Variants in DPP6 observed in about 807,000 individuals in gnomAD.
DPP6 encodes the protein dipeptidyl peptidase like 6.
In DPP6, 69 loss-of-function variants were observed where a neutral mutation model predicts 122.6. The ratio of observed to expected loss-of-function variants is 0.56; its 90% CI spans 0.46 to 0.69. The LOEUF (loss-of-function observed/expected upper bound fraction) is 0.69. DPP6 is among the 30% of genes least tolerant of loss of function. DPP6 has a pLI of 0.00. For missense variants in DPP6, 928 were observed against 1,116.9 expected (o/e 0.83, Z 2.41); for synonymous variants, 418 against 433.1 (o/e 0.97, Z 0.43).
At chr7:153,918,808 C>T (rs1046663708) in intron 1 of DPP6, among the ~76,000 whole-genome samples, 6 of 151,596 alleles carry the variant, frequency 4.0e-5, no homozygotes, top group African/African-American at 7.3e-5. Context: ...GGTGAAACCC[C>T]GTCTCTACTA....
At chr7:154,754,101 A>G (rs954176309) in intron 8 of DPP6, among the ~76,000 whole-genome samples, 9 of 152,188 alleles carry the variant, frequency 5.9e-5, no homozygotes, top group African/African-American at 1.9e-4. Context: ...TTATTTTTCA[A>G]TGTGTTTTTG....
chr7:153,814,543 G>T, the DPP6 span, among the ~76,000 whole-genome samples: 1 of 152,166 alleles, frequency 6.6e-6, no homozygotes, highest in African/African-American at 2.4e-5. Flanking sequence ...GGAGGAACTG[G>T]TACCATTCCT....
At chr7:154,229,379 C>T (rs1474480980) in intron 1 of DPP6, among the ~76,000 whole-genome samples, 1 of 152,190 alleles carries the variant, frequency 6.6e-6, no homozygotes, top group South Asian at 2.1e-4. Context: ...TTGTCTGCAG[C>T]TAATCTGAGT....
intron 7 of DPP6, among the ~76,000 whole-genome samples, chr7:154,699,746 C>A (rs757612698): frequency 9.2e-5 from 14 of 152,252 alleles, no homozygotes; most frequent in Non-Finnish European, 1.6e-4. Context: ...GAAGCCCTGG[C>A]ATGATTGCTT....
the DPP6 span, among the ~76,000 whole-genome samples, chr7:153,827,284 A>G: frequency 6.6e-6 from 1 of 152,330 alleles, no homozygotes; most frequent in African/African-American, 2.4e-5. Context: ...TAGCAGAAAG[A>G]AACACAGACA....
intron 1 of DPP6, among the ~76,000 whole-genome samples, chr7:154,362,953 A>G (rs1811858495): frequency 6.6e-6 from 1 of 152,146 alleles, no homozygotes; most frequent in Admixed American, 6.5e-5. Context: ...AGGGTCTCAG[A>G]TGGTTCCCGT....
chr7:154,559,000 A>G (rs931661582), intron 4 of DPP6, among the ~76,000 whole-genome samples: 2 of 152,182 alleles, frequency 1.3e-5, no homozygotes, highest in African/African-American at 2.4e-5. Context: ...AAAATAAAAC[A>G]TGATATATGC....
chr7:154,156,091 C>T (rs1477036124), intron 1 of DPP6, among the ~76,000 whole-genome samples: 3 of 152,230 alleles, frequency 2.0e-5, no homozygotes, highest in Non-Finnish European at 4.4e-5. Flanking sequence ...TTCTCCAACC[C>T]TCCACCCACC....
chr7:153,817,627 A>G, the DPP6 span, among the ~76,000 whole-genome samples: 1 of 151,892 alleles, frequency 6.6e-6, no homozygotes, highest in East Asian at 1.9e-4. Context: ...AGGAACATGG[A>G]TGAAGCTGGA....
chr7:154,838,678 G>C (rs572253058), intron 16 of DPP6: 1 of 152,266 alleles, frequency 6.6e-6, no homozygotes, highest in Non-Finnish European at 1.5e-5. Context: ...AAGGACGCAC[G>C]TGCAAGACCG....
At chr7:153,991,365 C>G (rs1345949694) in intron 1 of DPP6, among the ~76,000 whole-genome samples, 1 of 152,188 alleles carries the variant, frequency 6.6e-6, no homozygotes, top group African/African-American at 2.4e-5. Flanking sequence ...TTTCTACTTA[C>G]ATTTCCTGAA....
intron 1 of DPP6, among the ~76,000 whole-genome samples, chr7:154,261,717 A>T (rs1490800339): frequency 6.6e-6 from 1 of 152,186 alleles, no homozygotes. Flanking sequence ...ATCCCATCGA[A>T]AAGTGAGCTA....
chr7:153,859,803 G>A, the DPP6 span, among the ~76,000 whole-genome samples: 21 of 152,198 alleles, frequency 1.4e-4, no homozygotes, highest in Admixed American at 5.2e-4. Context: ...AGGGTGGCAG[G>A]AGAGAGAATG....
intron 6 of DPP6, among the ~76,000 whole-genome samples, chr7:154,667,519 G>A (rs921867187): frequency 1.6e-4 from 25 of 152,150 alleles, no homozygotes; most frequent in African/African-American, 6.0e-4. Context: ...CCTGAGGTCA[G>A]GAGTTCCAGC....
At chr7:154,295,343 A>T (rs1055436792) in intron 1 of DPP6, among the ~76,000 whole-genome samples, 9 of 152,270 alleles carry the variant, frequency 5.9e-5, no homozygotes, top group African/African-American at 1.9e-4. Context: ...TGGGATTTAC[A>T]CCCAAGCTAT....
intron 7 of DPP6, among the ~76,000 whole-genome samples, chr7:154,692,053 G>A (rs559547080): frequency 1.3e-5 from 2 of 152,056 alleles, no homozygotes; most frequent in South Asian, 2.1e-4. Flanking sequence ...CATGAATAGG[G>A]CAAAAAGACC....
rs1833874824 is a variant in DPP6 at position 154,610,896 on chromosome 7, G to A, written c.628-26925G>A. 1.3e-5 allele frequency among the ~76,000 whole-genome samples: 2 copies of A among 152,042 alleles called. 1 individual carries two copies. The highest frequency in any genetic ancestry group is 4.1e-4 in the South Asian group (2 of 4,826). On this transcript the variant is annotated intron_variant, in intron 5 of 25. Coordinates refer to ENST00000377770, the MANE Select transcript of DPP6 (RefSeq NM_130797.4). ...ATGTGGTGCTAGACTTTGGCTTATT[G>A]GATTGTAATTTCCAACTTCTAACCT...
chr7:154,286,689 C>T lies in DPP6; in HGVS notation c.244-159525C>T, dbSNP rs185901902. Among the ~76,000 whole-genome samples the T allele has an allele frequency of 2.4e-4, 36 of 152,242 alleles. 1 individual carries two copies. The East Asian group carries it at 4.8e-3, about 20-fold the overall frequency. ...TGTGACCTTGGGGGACTGTCCAGCC[C>T]TCTCCATAGTGTTGAGGGAGCAGCT... is the stretch of plus-strand genomic sequence containing the variant. On this transcript the variant is annotated intron_variant, in intron 1 of 25. Transcript: ENST00000377770.
chr7:154,380,670 C>T (rs908655536), intron 1 of DPP6, among the ~76,000 whole-genome samples: 26 of 152,172 alleles, frequency 1.7e-4, no homozygotes, highest in African/African-American at 6.3e-4. Flanking sequence ...TCATGCTTTT[C>T]CTTCTTCACA....
Sources: gnomAD v4.1 joint callset for allele counts (sites outside exome capture counted in the v4.1 genomes callset) on GRCh38, gnomAD v4.1.1 for gene constraint, MANE v1.5 for transcripts, NCBI Gene and HGNC (gene_info 2026-07-23, HGNC 2026-07-21) for gene names.